TNS1: variants seen among roughly 807,000 people sequenced by gnomAD.
The protein encoded by TNS1 is tensin 1, also known as tensin-1.
A neutral mutation model predicts 168.6 loss-of-function variants in TNS1; 62 were observed. That is an observed-to-expected ratio of 0.37 (90% CI 0.30 to 0.45). The LOEUF is 0.45. TNS1 is among the 20% of genes least tolerant of loss of function. TNS1 has a pLI of 1.00. For synonymous variants in TNS1, 934 were observed against 933.2 expected, an observed-to-expected ratio of 1.00 and a Z score of -0.02; for missense variants, 2,240 against 2,339.4, an observed-to-expected ratio of 0.96 and a Z score of 0.88.
intron 32 of TNS1, among the ~76,000 whole-genome samples, chr2:217,805,549 C>CACAT (rs1559132406): frequency 4.2e-3 from 3 of 722 alleles, no homozygotes; most frequent in Admixed American, 0.015. Flanking sequence ...CACACCACCA[C>CACAT]ACACCACACA....
chr2:217,849,175 C>T (rs1947128920), intron 18 of TNS1, 88 bp from the exon 19 acceptor site: 1 of 1,475,460 alleles, frequency 6.8e-7, no homozygotes, highest in African/African-American at 1.4e-5. Context: ...GAGAAAGAAG[C>T]TAAGAGCTCC....
intron 1 of TNS1, among the ~76,000 whole-genome samples, chr2:218,021,827 G>A (rs573961298): frequency 1.3e-5 from 2 of 152,314 alleles, no homozygotes; most frequent in South Asian, 4.1e-4. Flanking sequence ...CACACCAAGC[G>A]TGGTCTATTT....
chr2:217,862,873 G>A, intron 18 of TNS1, among the ~76,000 whole-genome samples: 1 of 152,204 alleles, frequency 6.6e-6, no homozygotes, highest in East Asian at 1.9e-4. Flanking sequence ...GGATATTGGT[G>A]GACAATTCTA....
chr2:217,821,911 G>T lies in TNS1; in HGVS notation c.3401C>A (p.Ala1134Glu). ...TCGGGGTCCAGCCACCGCTGTCCGTGCCACAGACTCCACATAGCTCCGGGG... is the reference window on the plus strand; with the variant it reads ...TCGGGGTCCAGCCACCGCTGTCCGTTCCACAGACTCCACATAGCTCCGGGG... ...GEPRSYVESV[A>E]RTAVAGPRAQ... The change falls in exon 23 of 33, where the codon GCA becomes GAA. Residue 1134 changes from alanine to glutamate, a missense_variant. Around this residue, in one of 2 missense-constraint regions of TNS1, gnomAD observed 2,131 missense variants for 2,171.2 expected, o/e 0.98. Coordinates refer to ENST00000682258, the MANE Select transcript of TNS1 (RefSeq NM_001387777.1). The T allele has an allele frequency of 6.3e-7, 1 of 1,589,294 alleles. No individual in the cohort carries two copies. Among genetic ancestry groups the T allele is most frequent in the South Asian group, 1.2e-5 (1 of 86,578 alleles).
chr2:217,850,165 A>G, intron 18 of TNS1: 1 of 985,400 alleles, frequency 1.0e-6, no homozygotes. Flanking sequence ...GCAGGTCTGC[A>G]AAGACGAGCA....
upstream of TNS1, among the ~76,000 whole-genome samples, chr2:218,011,163 C>T (rs577386624): frequency 3.9e-5 from 6 of 152,292 alleles, no homozygotes; most frequent in Non-Finnish European, 7.3e-5. Flanking sequence ...CCCTTGCCTA[C>T]CTCTGCTGTG....
intron 3 of TNS1, among the ~76,000 whole-genome samples, chr2:217,950,275 C>A (rs1026609750): frequency 5.9e-5 from 9 of 152,176 alleles, no homozygotes; most frequent in African/African-American, 1.9e-4. Flanking sequence ...GGAAAGTGAA[C>A]CACAGCAAAT....
rs1478923752 is a variant in TNS1 at position 217,879,320 on chromosome 2, A to G, written c.1429+1578T>C. 1.3e-5 allele frequency: 5 copies of G among 371,864 alleles called. No individual in the cohort carries two copies. The Admixed American group carries it at 1.7e-4, about 13-fold the overall frequency. 23.0% of individuals were successfully genotyped at this position (371,864 alleles called of 1,614,324 possible). ...TTTCCAATTGCCAAATGTTCTTGTT[A>G]AAAATGCAAACATCCCCAGCACAAC... On this transcript the variant is annotated intron_variant, in intron 18 of 32. Transcript: ENST00000682258.
At chr2:217,846,887 T>C (rs939479584) in intron 19 of TNS1, among the ~76,000 whole-genome samples, 5 of 152,226 alleles carry the variant, frequency 3.3e-5, no homozygotes, top group African/African-American at 1.2e-4. Context: ...GAAAACTGAC[T>C]TAGAAGGGGA....
chr2:217,858,919 A>G (rs2125521933), intron 18 of TNS1, among the ~76,000 whole-genome samples: 1 of 151,950 alleles, frequency 6.6e-6, no homozygotes, highest in Middle Eastern at 3.4e-3. Context: ...GGGAGTCAGG[A>G]AAAGTGGCCA....
chr2:217,895,427 C>T (rs1417803028), intron 8 of TNS1, among the ~76,000 whole-genome samples: 32 of 152,224 alleles, frequency 2.1e-4, no homozygotes, highest in Admixed American at 2.0e-3. Flanking sequence ...CACCCTGTTC[C>T]GTGAGCGGAT....
intron 22 of TNS1, among the ~76,000 whole-genome samples, chr2:217,822,169 G>A (rs771878955): frequency 1.4e-4 from 21 of 152,240 alleles, no homozygotes; most frequent in South Asian, 1.0e-3. Context: ...CCCAGGCCCC[G>A]CCTCAGAACA....
At position 217,852,474 on chromosome 2, in the gene TNS1, C is replaced by T. The variant is rs114194519; in HGVS notation, c.1430-3387G>A. 9.2e-3 allele frequency among the ~76,000 whole-genome samples: 1,401 copies of T among 152,328 alleles called. 28 individuals are homozygous for T. Among genetic ancestry groups the T allele is most frequent in the African/African-American group, 0.031 (1,302 of 41,572 alleles). On this transcript the variant is annotated intron_variant, in intron 18 of 32. Transcript: ENST00000682258. ...GAAGTGGGGAGCTGCAAAGCAAAGGCTGGTGTGTCCAGTGGCTTCCCCACT... is the reference window on the plus strand; with the variant it reads ...GAAGTGGGGAGCTGCAAAGCAAAGGTTGGTGTGTCCAGTGGCTTCCCCACT...
At chr2:217,902,710 T>G (rs1325227225) in intron 6 of TNS1, among the ~76,000 whole-genome samples, 1 of 152,022 alleles carries the variant, frequency 6.6e-6, no homozygotes, top group South Asian at 2.1e-4. Flanking sequence ...CCAAGCCCGC[T>G]CTGCTCCACC....
At chr2:217,893,259 G>A (rs138348809) in intron 10 of TNS1, among the ~76,000 whole-genome samples, 180 bp downstream of exon 10, 48 of 152,304 alleles carry the variant, frequency 3.2e-4, no homozygotes, top group African/African-American at 1.1e-3. Context: ...TAGAAGTGCC[G>A]CCCAAGACAG....
chr2:217,910,713 T>TACACAC (rs10554233), intron 4 of TNS1, among the ~76,000 whole-genome samples: 2,449 of 106,704 alleles, frequency 0.023, 43 homozygotes, highest in South Asian at 0.042. Flanking sequence ...CACATACACA[T>TACACAC]ACACACACAC....
At chr2:217,907,372 A>C in intron 4 of TNS1, 121 bp from the exon 5 acceptor site, 1 of 660,930 alleles carries the variant, frequency 1.5e-6, no homozygotes, top group South Asian at 1.6e-5. Flanking sequence ...TGATGAGGCC[A>C]ACCCAAGACT....
At chr2:217,939,249 A>G (rs567399367) in intron 3 of TNS1, among the ~76,000 whole-genome samples, 2 of 152,266 alleles carry the variant, frequency 1.3e-5, no homozygotes, top group Admixed American at 1.3e-4. Context: ...CCGGGTCATC[A>G]TAAGTTGATC....
chr2:217,936,264 C>T (rs899123361), intron 3 of TNS1, among the ~76,000 whole-genome samples: 2 of 152,152 alleles, frequency 1.3e-5, no homozygotes, highest in Non-Finnish European at 2.9e-5. Context: ...AAAGGAGGCC[C>T]CCAAAGGATC....
Sources: allele counts gnomAD v4.1 joint callset (sites outside exome capture counted in the v4.1 genomes callset), GRCh38; gene constraint gnomAD v4.1.1; regional missense constraint gnomAD v4.1.1; transcripts MANE v1.5; gene names NCBI Gene and HGNC (gene_info 2026-07-23, HGNC 2026-07-21).